STPG2: variants seen among roughly 807,000 people sequenced by gnomAD.
STPG2 encodes the protein sperm-tail PG-rich repeat-containing protein 2.
In STPG2, 56 loss-of-function variants were observed where a neutral mutation model predicts 54.2. That is an observed-to-expected ratio of 1.03 (90% CI 0.83 to 1.29). The LOEUF is 1.29. Ranked by LOEUF, STPG2 falls within the 50% of genes most tolerant of loss-of-function variation. STPG2 has a pLI of 0.00. For missense variants in STPG2, 596 were observed against 544.9 expected, an observed-to-expected ratio of 1.09 and a Z score of -0.93; for synonymous variants, 200 against 181.8, an observed-to-expected ratio of 1.10 and a Z score of -0.81.
rs529780158 is a variant in STPG2 at position 97,933,278 on chromosome 4, G to A, written c.1044+10619C>T. 1.5e-4 allele frequency among the ~76,000 whole-genome samples: 22 copies of A among 151,698 alleles called. No individual in the cohort carries two copies. In the South Asian group the frequency reaches 3.4e-3, roughly 23 times the overall value. On this transcript the variant is annotated intron_variant, in intron 8 of 10. Coordinates refer to ENST00000295268, the MANE Select transcript of STPG2 (RefSeq NM_174952.3). ...CTGGATATTAGACCTTTGTCAGGCG[G>A]GTAGATCAAAAAAATTTTCTCCCAC...
chr4:97,729,063 T>TCTCTCTCTCTCTCTCTC (rs1724710920), intron 9 of STPG2, among the ~76,000 whole-genome samples: 3 of 124,924 alleles, frequency 2.4e-5, no homozygotes, highest in Non-Finnish European at 5.2e-5. Flanking sequence ...CCCCAAGAAT[T>TCTCTCTCTCTCTCTCTC]TCTCTCTCTC....
chr4:98,046,843 G>A (rs1165481307), intron 5 of STPG2, among the ~76,000 whole-genome samples: 1 of 152,164 alleles, frequency 6.6e-6, no homozygotes, highest in Non-Finnish European at 1.5e-5. Flanking sequence ...AGAAACAGGT[G>A]GAATAGCTGG....
intron 10 of STPG2, among the ~76,000 whole-genome samples, chr4:97,672,320 T>C (rs764353542): frequency 1.3e-5 from 2 of 149,964 alleles, no homozygotes; most frequent in African/African-American, 2.5e-5. Context: ...ATTACAAGCA[T>C]GCACCACCAC....
At chr4:98,074,339 A>ATTCTT (rs1738091194) in intron 5 of STPG2, among the ~76,000 whole-genome samples, 1 of 152,156 alleles carries the variant, frequency 6.6e-6, no homozygotes, top group Non-Finnish European at 1.5e-5. Flanking sequence ...TCTTTTCTCC[A>ATTCTT]ATCATTTTTA....
chr4:98,004,966 C>T (rs1735531956), intron 5 of STPG2, among the ~76,000 whole-genome samples: 1 of 99,958 alleles, frequency 1.0e-5, no homozygotes, highest in Admixed American at 9.2e-5. Context: ...ATTTTCTTTG[C>T]TGTTAAAAAA....
At chr4:97,538,913 C>T (rs1731614565) in intron 4 of STPG2, among the ~76,000 whole-genome samples, 1 of 152,148 alleles carries the variant, frequency 6.6e-6, no homozygotes, top group Non-Finnish European at 1.5e-5. Flanking sequence ...AAAGAATTTT[C>T]AACCCAGAAT....
At chr4:97,513,729 T>G (rs1299751344) in intron 4 of STPG2, among the ~76,000 whole-genome samples, 1 of 152,102 alleles carries the variant, frequency 6.6e-6, no homozygotes, top group African/African-American at 2.4e-5. Flanking sequence ...CATCTTCACT[T>G]CAAAGAAAAG....
intron 5 of STPG2, among the ~76,000 whole-genome samples, chr4:98,036,317 A>T (rs938264306): frequency 1.3e-5 from 2 of 152,100 alleles, no homozygotes; most frequent in African/African-American, 2.4e-5. Flanking sequence ...TATATACACA[A>T]AGGAATATAA....
chr4:97,756,485 C>A (rs934285994), intron 9 of STPG2, among the ~76,000 whole-genome samples: 4 of 152,034 alleles, frequency 2.6e-5, no homozygotes, highest in African/African-American at 9.7e-5. Context: ...CCATGCCCGG[C>A]TAATTTTTTT....
chr4:97,729,734 T>C (rs185290770), intron 9 of STPG2, among the ~76,000 whole-genome samples: 10 of 152,212 alleles, frequency 6.6e-5, no homozygotes, highest in East Asian at 1.9e-4. Flanking sequence ...TAAAAGACCA[T>C]AGGAAAAATA....
chr4:98,056,113 C>A (rs890381277), intron 5 of STPG2, among the ~76,000 whole-genome samples: 1 of 152,156 alleles, frequency 6.6e-6, no homozygotes, highest in Non-Finnish European at 1.5e-5. Context: ...GCTTTGCCCC[C>A]CCCCAAATAA....
chr4:97,896,998 A>C (rs1434744248), intron 8 of STPG2, among the ~76,000 whole-genome samples: 2 of 151,742 alleles, frequency 1.3e-5, no homozygotes, highest in Non-Finnish European at 3.0e-5. Context: ...AAATTATTTC[A>C]TCACCCAGGT....
At chr4:97,890,257 A>G (rs888174684) in intron 8 of STPG2, among the ~76,000 whole-genome samples, 3 of 152,096 alleles carry the variant, frequency 2.0e-5, no homozygotes, top group African/African-American at 7.2e-5. Context: ...GGGTGAAGGT[A>G]TCTTAAAAGG....
intron 3 of STPG2, among the ~76,000 whole-genome samples, chr4:98,119,608 T>C (rs1739619111): frequency 6.7e-6 from 1 of 148,368 alleles, no homozygotes; most frequent in Admixed American, 6.7e-5. Context: ...AAGAATGCCT[T>C]TTTTTTTTTA....
intron 8 of STPG2, among the ~76,000 whole-genome samples, chr4:97,856,917 CAT>C (rs1231491246): frequency 6.6e-6 from 1 of 152,118 alleles, no homozygotes; most frequent in East Asian, 1.9e-4. Flanking sequence ...TTAAGATAAT[CAT>C]GTGGTTTTTG....
intron 9 of STPG2, among the ~76,000 whole-genome samples, chr4:97,718,143 G>T (rs1208753685): frequency 1.3e-5 from 2 of 151,726 alleles, no homozygotes; most frequent in African/African-American, 4.8e-5. Flanking sequence ...CTTATCTCTG[G>T]GAATATTACA....
chr4:97,678,836 T>A (rs1722936148), intron 10 of STPG2, among the ~76,000 whole-genome samples: 1 of 148,856 alleles, frequency 6.7e-6, no homozygotes, highest in African/African-American at 2.5e-5. Context: ...CCATGTGTTC[T>A]CATTGTTCAA....
intron 10 of STPG2, among the ~76,000 whole-genome samples, chr4:97,597,475 G>T: frequency 6.6e-6 from 1 of 150,910 alleles, no homozygotes; most frequent in Non-Finnish European, 1.5e-5. Context: ...CTTTTACCCA[G>T]TATCCTTCAA....
intron 9 of STPG2, among the ~76,000 whole-genome samples, chr4:97,749,934 G>A (rs1290228062): frequency 4.6e-5 from 7 of 151,784 alleles, no homozygotes; most frequent in South Asian, 2.1e-4. Flanking sequence ...GACAGTTCCC[G>A]TCCAGACAGG....
Sources: allele counts gnomAD v4.1 joint callset (sites outside exome capture counted in the v4.1 genomes callset), GRCh38; gene constraint gnomAD v4.1.1; transcripts MANE v1.5; gene names NCBI Gene and HGNC (gene_info 2026-07-23, HGNC 2026-07-21).